The following NFIB variants were observed in gnomAD, a reference collection of about 807,000 sequenced individuals.
NFIB encodes nuclear factor I B.
NFIB carries 11 observed loss-of-function variants against 61.5 expected under a neutral mutation model. That is an observed-to-expected ratio of 0.18 (90% CI 0.11 to 0.30). The LOEUF (loss-of-function observed/expected upper bound fraction) is 0.30, where lower values mean the gene tolerates loss of function less well. Among genes scored for constraint, NFIB ranks in the 10% least tolerant of loss-of-function variants. The pLI, the probability that NFIB is intolerant of heterozygous loss-of-function variation, is 1.00. For synonymous variants in NFIB, 260 were observed against 216.5 expected (o/e 1.20, Z -1.76); for missense variants, 471 against 608.9 (o/e 0.77, Z 2.38).
chr9:14,462,656 T>C, the NFIB span, among the ~76,000 whole-genome samples: 1 of 152,148 alleles, frequency 6.6e-6, no homozygotes, highest in Non-Finnish European at 1.5e-5. Flanking sequence ...CACAGGACTA[T>C]CGAATTCTTA....
intron 1 of NFIB, among the ~76,000 whole-genome samples, chr9:14,324,502 A>G (rs2060729515): frequency 6.6e-6 from 1 of 152,166 alleles, no homozygotes; most frequent in African/African-American, 2.4e-5. Flanking sequence ...AGAATTACCA[A>G]TCCCTCCCAA....
At chr9:14,224,773 C>T (rs987008702) in intron 2 of NFIB, among the ~76,000 whole-genome samples, 6 of 152,162 alleles carry the variant, frequency 3.9e-5, no homozygotes, top group African/African-American at 1.4e-4. Flanking sequence ...GAACCAATTC[C>T]CCCAAAATAC....
At chr9:14,402,182 C>T (rs1447095306), upstream of NFIB, among the ~76,000 whole-genome samples, 2 of 152,098 alleles carry the variant, frequency 1.3e-5, no homozygotes, top group African/African-American at 2.4e-5. Flanking sequence ...AAAAATCATC[C>T]GGCTTAGATG....
chr9:14,160,686 C>A (rs2044063302), intron 3 of NFIB, among the ~76,000 whole-genome samples: 3 of 151,968 alleles, frequency 2.0e-5, no homozygotes, highest in African/African-American at 7.2e-5. Context: ...ATTAACTTCA[C>A]GTTCACCATT....
intron 1 of NFIB, among the ~76,000 whole-genome samples, chr9:14,325,032 A>AT (rs1449788495): frequency 6.6e-6 from 1 of 152,030 alleles, no homozygotes; most frequent in East Asian, 1.9e-4. Flanking sequence ...TGGTTTTTAT[A>AT]TTTTGCAATG....
intron 2 of NFIB, among the ~76,000 whole-genome samples, chr9:14,252,129 T>C (rs2055700654): frequency 6.6e-6 from 1 of 152,208 alleles, no homozygotes; most frequent in Admixed American, 6.5e-5. Context: ...TTTCACTCCC[T>C]AATGCAGAGA....
intron 1 of NFIB, among the ~76,000 whole-genome samples, chr9:14,320,603 C>T (rs1319612746): frequency 6.6e-6 from 1 of 152,208 alleles, no homozygotes; most frequent in Admixed American, 6.5e-5. Context: ...TTCTTTGCCT[C>T]ACAATGCTTT....
intron 2 of NFIB, chr9:14,204,323 A>T: frequency 1.4e-6 from 1 of 735,524 alleles, no homozygotes; most frequent in Non-Finnish European, 2.4e-6. Context: ...GGAGGCCAAG[A>T]AAGTGGTCAA....
the NFIB span, among the ~76,000 whole-genome samples, chr9:14,433,724 T>C: frequency 6.6e-6 from 1 of 152,312 alleles, no homozygotes; most frequent in South Asian, 2.1e-4. Flanking sequence ...ATATTACCCA[T>C]CAGTGCAAAT....
chr9:14,349,323 G>A (rs2061076670), intron 1 of NFIB, among the ~76,000 whole-genome samples: 1 of 152,170 alleles, frequency 6.6e-6, no homozygotes, highest in South Asian at 2.1e-4. Flanking sequence ...CCCGAGAATG[G>A]CACGTATTTA....
At chr9:14,130,875 T>C (rs2040322454) in intron 6 of NFIB, among the ~76,000 whole-genome samples, 2 of 152,152 alleles carry the variant, frequency 1.3e-5, no homozygotes, top group Non-Finnish European at 2.9e-5. Context: ...AGATGAGAAG[T>C]AGCTGACTGT....
chr9:14,295,361 C>T (rs924535250), intron 2 of NFIB, among the ~76,000 whole-genome samples: 1 of 152,118 alleles, frequency 6.6e-6, no homozygotes, highest in Non-Finnish European at 1.5e-5. Flanking sequence ...CGCGGTGGCT[C>T]ATGCCTGTAA....
intron 2 of NFIB, among the ~76,000 whole-genome samples, chr9:14,214,718 T>C (rs2131755280): frequency 6.6e-6 from 1 of 152,340 alleles, no homozygotes; most frequent in Non-Finnish European, 1.5e-5. Flanking sequence ...TTTCCCATAT[T>C]TTCAGTCTCT....
intron 2 of NFIB, among the ~76,000 whole-genome samples, chr9:14,237,279 T>A (rs976433194): frequency 1.3e-5 from 2 of 152,146 alleles, no homozygotes; most frequent in Non-Finnish European, 2.9e-5. Context: ...TTAGAGCCAA[T>A]TTCTTTCATC....
the NFIB span, among the ~76,000 whole-genome samples, chr9:14,515,053 C>T: frequency 6.6e-6 from 1 of 152,140 alleles, no homozygotes; most frequent in South Asian, 2.1e-4. Context: ...GACTAAAAGG[C>T]TAGGCTCTGG....
intron 2 of NFIB, among the ~76,000 whole-genome samples, chr9:14,225,456 CAAAAA>C (rs1228589594): frequency 1.7e-5 from 1 of 58,020 alleles, no homozygotes; most frequent in Non-Finnish European, 4.3e-5. Flanking sequence ...GACTCCGTCT[CAAAAA>C]AAAAAAAAAA....
chr9:14,086,740 GC>G lies in NFIB; in HGVS notation c.*1568del, dbSNP rs1187733507. On this transcript the variant is annotated 3_prime_UTR_variant, in exon 11 of 11. Coordinates refer to ENST00000380953, the MANE Select transcript of NFIB (RefSeq NM_001190737.2). ...AAGATTTAAAATGATAATAAATGCA[GC>G]AAAACAAGTGTAGTGATGTCACTTT... is the stretch of plus-strand genomic sequence containing the variant. 1 of 205,886 alleles carries G rather than the reference GC, an allele frequency of 4.9e-6. No individual in the cohort carries two copies. The highest frequency in any genetic ancestry group is 9.8e-6 in the Non-Finnish European group (1 of 101,568). The allele number at this position is 205,886 out of a possible 1,614,324, so 12.8% of individuals were successfully genotyped here.
At chr9:14,429,232 G>A in the NFIB span, among the ~76,000 whole-genome samples, 1 of 152,168 alleles carries the variant, frequency 6.6e-6, no homozygotes, top group African/African-American at 2.4e-5. Flanking sequence ...CTCTGGAAAG[G>A]AAAGGAAGGG....
chr9:14,338,709 CTTCTT>C (rs1190309439), intron 1 of NFIB, among the ~76,000 whole-genome samples: 1 of 151,364 alleles, frequency 6.6e-6, no homozygotes, highest in Non-Finnish European at 1.5e-5. Context: ...AGGGTTTTCT[CTTCTT>C]TTCTTCTTTT....
Sources: allele counts gnomAD v4.1 joint callset (sites outside exome capture counted in the v4.1 genomes callset), GRCh38; gene constraint gnomAD v4.1.1; transcripts MANE v1.5; gene names NCBI Gene and HGNC (gene_info 2026-07-23, HGNC 2026-07-21).